MGAM: variants seen among roughly 807,000 people sequenced by gnomAD.
The protein encoded by MGAM is maltase-glucoamylase, also known as alpha-1,4-glucosidase.
In MGAM, 253 loss-of-function variants were observed where a neutral mutation model predicts 358.8. That is an observed-to-expected ratio of 0.71 (90% CI 0.64 to 0.78). The LOEUF is 0.78. Ranked by LOEUF, MGAM falls within the 30% of genes least tolerant of loss-of-function variation. MGAM has a pLI of 0.00. For missense variants in MGAM, 3,080 were observed against 3,432.6 expected (o/e 0.90, Z 2.57); for synonymous variants, 1,105 against 1,227.1 (o/e 0.90, Z 2.08).
intron 21 of MGAM, among the ~76,000 whole-genome samples, chr7:142,041,377 C>T (rs1374125853): frequency 6.6e-6 from 1 of 152,016 alleles, no homozygotes; most frequent in Admixed American, 6.6e-5. Context: ...TTCTTTTGAA[C>T]CTCTCTTACT....
intron 21 of MGAM, among the ~76,000 whole-genome samples, chr7:142,047,016 A>T (rs1367191148): frequency 6.6e-6 from 1 of 152,182 alleles, no homozygotes; most frequent in Non-Finnish European, 1.5e-5. Context: ...GATAATAAAA[A>T]CTAACTTTCT....
rs556486449 is a variant in MGAM at position 142,056,044 on chromosome 7, G to A, written c.3528G>A (p.Leu1176=). 6.2e-6 allele frequency: 10 copies of A among 1,611,846 alleles called. No homozygotes were observed. The highest frequency in any genetic ancestry group is 2.7e-5 in the African/African-American group (2 of 75,014). Residue 1176 remains leucine (L), a synonymous_variant, in exon 29 of 71, where the codon CTG becomes CTA. Coordinates refer to ENST00000475668, the MANE Select transcript of MGAM (RefSeq NM_001365693.1). ...GTGTCCACCCCTACTACATGGGGCT[G>A]GAGGAGGACGGCAGTGCCCATGGAG... ...SYGVHPYYMG[L]EEDGSAHGVL... is the part of the protein sequence containing the mutation.
intron 10 of MGAM, among the ~76,000 whole-genome samples, chr7:142,029,416 T>C (rs1433143125): frequency 6.6e-6 from 1 of 152,044 alleles, no homozygotes. Flanking sequence ...ATTAGAAAAC[T>C]AGGGGAACTA....
intron 26 of MGAM, among the ~76,000 whole-genome samples, chr7:142,054,348 T>C (rs1466817595): frequency 2.0e-5 from 3 of 152,230 alleles, no homozygotes; most frequent in Non-Finnish European, 4.4e-5. Flanking sequence ...TAGATACCAC[T>C]TTCAGCAAGG....
At chr7:142,023,691 G>A (rs1474591481) in intron 7 of MGAM, among the ~76,000 whole-genome samples, 1 of 151,144 alleles carries the variant, frequency 6.6e-6, no homozygotes, top group Non-Finnish European at 1.5e-5. Flanking sequence ...AAAAAAAGAG[G>A]TTGTAAGAAC....
At chr7:142,001,562 G>A (rs1243210789) in intron 1 of MGAM, among the ~76,000 whole-genome samples, 2 of 152,192 alleles carry the variant, frequency 1.3e-5, no homozygotes, top group African/African-American at 4.8e-5. Context: ...AAGCATTGGT[G>A]GGTTGGTGGA....
intron 18 of MGAM, among the ~76,000 whole-genome samples, chr7:142,037,326 T>C (rs987016466): frequency 2.6e-5 from 4 of 152,212 alleles, no homozygotes; most frequent in African/African-American, 9.6e-5. Flanking sequence ...ATTTGAAATC[T>C]TGACTGTGAT....
Position 142,099,626 on chromosome 7 carries a change from A to G in MGAM, c.7763A>G (p.Asn2588Ser), listed in dbSNP as rs369802718. 8.1e-6 allele frequency: 13 copies of G among 1,613,782 alleles called. No homozygotes were observed. The African/African-American group carries it at 1.1e-4, about 13-fold the overall frequency. ...TTCTGCCTCCAGGGTGTGGATATTA[A>G]TGCAAGAGGAGAGTGGAAGACCTTG... ...WYDYYTGVDI[N>S]ARGEWKTLPA... The change falls in exon 67 of 71, where the codon AAT becomes AGT. Residue 2588 changes from asparagine (N) to serine (S), a missense_variant. By Grantham distance (46) the Asn-to-Ser change is conservative. Transcript: ENST00000475668.
rs772551734 is a variant in MGAM at position 142,058,213 on chromosome 7, G to A, written c.3704G>A (p.Arg1235Gln). The change falls in exon 31 of 71, where the codon CGG (arginine) becomes CAG (glutamine). Residue 1235 changes from arginine to glutamine, a missense_variant. Physicochemically the swap from Arg to Gln is conservative, Grantham distance 43 (BLOSUM62 1). Coordinates refer to ENST00000475668, the MANE Select transcript of MGAM (RefSeq NM_001365693.1). ...CTGTCTATTTTCTAGTTGATTGGCC[G>A]GCCTGTGATGGTACCTTACTGGTCT... ...VTQQYTELIGRPVMVPYWSLG... is the reference protein window; with the variant it reads ...VTQQYTELIGQPVMVPYWSLG... 32 of 1,613,606 alleles carry A rather than the reference G, an allele frequency of 2.0e-5. No individual in the cohort carries two copies. In the South Asian group the frequency reaches 2.9e-4, roughly 14 times the overall value.
At chr7:142,077,065 C>G (rs1813812948) in intron 47 of MGAM, among the ~76,000 whole-genome samples, 1 of 145,486 alleles carries the variant, frequency 6.9e-6, no homozygotes, top group African/African-American at 2.4e-5. Flanking sequence ...TCCCATCTCT[C>G]TAGCTGGTTT....
chr7:142,056,990 G>A (rs1333967440), intron 30 of MGAM, 48 bp downstream of exon 30: 1 of 1,562,728 alleles, frequency 6.4e-7, no homozygotes. Flanking sequence ...AGCACATTCT[G>A]GGTGCCAGAG....
chr7:141,997,385 C>G (rs138214219), intron 1 of MGAM, among the ~76,000 whole-genome samples: 228 of 152,242 alleles, frequency 1.5e-3, no homozygotes, highest in Admixed American at 2.9e-3. Flanking sequence ...AAGTGGGACA[C>G]TAAATTTAAG....
At chr7:142,031,991 G>A (rs1302279516) in intron 13 of MGAM, among the ~76,000 whole-genome samples, 198 bp downstream of exon 13, 1 of 148,908 alleles carries the variant, frequency 6.7e-6, no homozygotes, top group Non-Finnish European at 1.5e-5. Context: ...CAAAATGTTA[G>A]AGCTGAAAGG....
intron 17 of MGAM, 49 bp downstream of exon 17, chr7:142,036,334 A>G (rs782466321): frequency 7.2e-7 from 1 of 1,386,624 alleles, no homozygotes; most frequent in South Asian, 1.2e-5. Flanking sequence ...ATACATTAGG[A>G]CTAGATCTGT....
Position 142,092,527 on chromosome 7 carries a change from A to G in MGAM, c.6952A>G (p.Asn2318Asp). 1.3e-6 allele frequency: 2 copies of G among 1,547,132 alleles called. No individual in the cohort carries two copies. Among genetic ancestry groups the G allele is most frequent in the Non-Finnish European group, 1.8e-6 (2 of 1,127,976 alleles). The change falls in exon 59 of 71, where the codon AAT (asparagine) becomes GAT (aspartate). Residue 2318 changes from asparagine (N) to aspartate (D), a missense_variant. Asn to Asp is a conservative substitution (Grantham distance 23). Transcript: ENST00000475668. ...CTGTGTTTGGCATTTCTAGGATATG[A>G]ATGAACCATCAAGCTTCGTGAATGG... Reference protein sequence around the residue: ...LKFDGMWIDMNEPSSFVNGAV... With the variant: ...LKFDGMWIDMDEPSSFVNGAV...
rs10260661 is a variant in MGAM at position 142,014,221 on chromosome 7, G to T, written c.328-4978G>T. Among the ~76,000 whole-genome samples, 1,078 of 152,258 alleles carry T rather than the reference G, an allele frequency of 7.1e-3. 15 individuals are homozygous for T. Among genetic ancestry groups the T allele is most frequent in the African/African-American group, 0.025 (1,032 of 41,554 alleles). Reference sequence around the variant, plus strand: ...TGTGTTTGACACAATGTGCAAAGTTGTACATTTTTCAGCAGTTCTGTAGGT... The same window carrying T: ...TGTGTTTGACACAATGTGCAAAGTTTTACATTTTTCAGCAGTTCTGTAGGT... On this transcript the variant is annotated intron_variant, in intron 3 of 70. Transcript: ENST00000475668.
intron 21 of MGAM, among the ~76,000 whole-genome samples, chr7:142,044,615 T>C (rs916144757): frequency 5.4e-5 from 5 of 92,872 alleles, no homozygotes; most frequent in Non-Finnish European, 5.0e-5. Context: ...ATATATGATA[T>C]ATAATGTATA....
At chr7:142,020,109 A>G (rs1389833552) in intron 4 of MGAM, among the ~76,000 whole-genome samples, 7 of 151,166 alleles carry the variant, frequency 4.6e-5, no homozygotes, top group Admixed American at 4.6e-4. Context: ...GATGACAATG[A>G]TGACCATTCT....
intron 60 of MGAM, among the ~76,000 whole-genome samples, chr7:142,094,044 A>T (rs1457529777): frequency 6.8e-6 from 1 of 146,604 alleles, no homozygotes; most frequent in Non-Finnish European, 1.5e-5. Context: ...ACGATCTTAT[A>T]ATCTTCACTG....
Sources: gnomAD v4.1 joint callset for allele counts (sites outside exome capture counted in the v4.1 genomes callset) on GRCh38, gnomAD v4.1.1 for gene constraint, MANE v1.5 for transcripts, NCBI Gene and HGNC (gene_info 2026-07-23, HGNC 2026-07-21) for gene names.